The following ITGA2B variants were observed in gnomAD, a reference collection of about 807,000 sequenced individuals.
The protein encoded by ITGA2B is integrin subunit alpha 2b.
ITGA2B carries 91 observed loss-of-function variants against 142.0 expected under a neutral mutation model. The ratio of observed to expected loss-of-function variants is 0.64; its 90% CI spans 0.54 to 0.76. The LOEUF is 0.76. ITGA2B is among the 30% of genes least tolerant of loss of function. ITGA2B has a pLI of 0.00. For synonymous variants in ITGA2B, 536 were observed against 567.2 expected (o/e 0.94, Z 0.78); for missense variants, 1,231 against 1,350.8 (o/e 0.91, Z 1.39).
At chr17:44,374,544 T>C (rs2048522377) in intron 28 of ITGA2B, 74 bp from the exon 29 acceptor site, 7 of 1,528,816 alleles carry the variant, frequency 4.6e-6, no homozygotes, top group Non-Finnish European at 5.4e-6. Context: ...CTCAGGCTGG[T>C]GACCTCCAGC....
Position 44,383,486 on chromosome 17 carries a change from C to A in ITGA2B, c.1210+7G>T. The A allele has an allele frequency of 6.2e-7, 1 of 1,605,434 alleles. No individual in the cohort carries two copies. The highest frequency in any genetic ancestry group is 2.2e-5 in the East Asian group (1 of 44,758). On this transcript the variant is annotated splice_region_variant and intron_variant, in intron 12 of 29. Transcript: ENST00000262407. The stretch of plus-strand genomic sequence containing the variant: ...CTGCAGCAAGTAGGGCTCCTCTCTT[C>A]CCTCACCATTGTAGCCATCCCGGTC...
In ITGA2B at chr17:44,375,998, T is replaced by C; in HGVS notation, c.2449-13A>G. 1 of 1,613,818 alleles carries C rather than the reference T, an allele frequency of 6.2e-7. No homozygotes were observed. Among genetic ancestry groups the C allele is most frequent in the South Asian group, 1.1e-5 (1 of 91,068 alleles). On this transcript the variant is annotated splice_polypyrimidine_tract_variant and intron_variant, in intron 24 of 29. Transcript: ENST00000262407. ...CATTGTTGTGGAGCTGAAGGGGTGG[T>C]GGTGGCAGGGTGTGGGGAGCTTAGC... is the stretch of plus-strand genomic sequence containing the variant.
rs1402967368 is a variant in ITGA2B, at chr17:44,385,209, C to T, written c.625G>A (p.Ala209Thr). Residue 209 changes from alanine to threonine, a missense_variant and splice_region_variant, in exon 6 of 30, where the codon GCC (alanine) becomes ACC (threonine). Ala to Thr is a moderately conservative substitution (Grantham distance 58). Coordinates refer to ENST00000262407, the MANE Select transcript of ITGA2B (RefSeq NM_000419.5). ...GGAGCCCCAAGCACCAGCTCTCCGG[C>T]CTGGAAGGGAAGTCCTGAGGGTGAG... ...EAGFSSVVTQ[A>T]GELVLGAPGG... is the part of the protein sequence containing the mutation. The T allele has an allele frequency of 1.9e-6, 3 of 1,614,014 alleles. No homozygotes were observed. The South Asian group carries it at 3.3e-5, about 18-fold the overall frequency.
At chr17:44,385,500 C>A (rs953551820) in intron 4 of ITGA2B, 51 bp downstream of exon 4, 2 of 1,444,348 alleles carry the variant, frequency 1.4e-6, no homozygotes, top group East Asian at 2.6e-5. Context: ...CCGATGGGGG[C>A]GGGGCCAAGC....
intron 21 of ITGA2B, 150 bp downstream of exon 21, chr17:44,377,547 AG>A (rs2048555921): frequency 1.3e-5 from 9 of 680,044 alleles, no homozygotes; most frequent in Non-Finnish European, 2.1e-5. Context: ...GGGCTCAGAG[AG>A]GGAAAGTCAC....
intron 1 of ITGA2B, among the ~76,000 whole-genome samples, chr17:44,388,505 C>G (rs1319123274): frequency 6.7e-6 from 1 of 149,210 alleles, no homozygotes; most frequent in Non-Finnish European, 1.5e-5. Context: ...TACAAGCATG[C>G]GGCACCACGC....
At chr17:44,384,682 C>G in intron 7 of ITGA2B, 97 bp from the exon 8 acceptor site, 4 of 1,442,424 alleles carry the variant, frequency 2.8e-6, no homozygotes, top group Non-Finnish European at 2.9e-6. Flanking sequence ...CAGCCCCAGC[C>G]CTGCATTGTG....
At chr17:44,386,933 G>A (rs914680026) in intron 1 of ITGA2B, among the ~76,000 whole-genome samples, 4 of 152,284 alleles carry the variant, frequency 2.6e-5, no homozygotes, top group East Asian at 1.9e-4. Flanking sequence ...CTGGGACTGC[G>A]GGTGTGCAAC....
At chr17:44,373,954 G>A in intron 29 of ITGA2B, 2 of 235,576 alleles carry the variant, frequency 8.5e-6, no homozygotes, top group Non-Finnish European at 1.7e-5. Flanking sequence ...TGCCCAAGCT[G>A]GAGTGCAGTG....
intron 20 of ITGA2B, 113 bp from the exon 21 acceptor site, chr17:44,377,903 T>C (rs1442186927): frequency 1.2e-5 from 7 of 598,546 alleles, no homozygotes; most frequent in Admixed American, 4.4e-5. Context: ...GGGGGGTTTC[T>C]TGGGGTGGGG....
At chr17:44,375,270 C>G in intron 26 of ITGA2B, 159 bp from the exon 27 acceptor site, 1 of 701,856 alleles carries the variant, frequency 1.4e-6, no homozygotes, top group South Asian at 1.6e-5. Flanking sequence ...CGGATGCTGT[C>G]TTTCCACGGG....
intron 29 of ITGA2B, among the ~76,000 whole-genome samples, chr17:44,372,835 G>A (rs556962742): frequency 6.6e-6 from 1 of 152,072 alleles, no homozygotes; most frequent in Admixed American, 6.5e-5. Context: ...TGGCCGGGCT[G>A]GTCTCAAACT....
Position 44,385,051 on chromosome 17 carries a change from C to T in ITGA2B, c.696G>A (p.Ala232=), listed in dbSNP as rs766473820. Residue 232 remains alanine, a synonymous_variant, in exon 7 of 30, where the codon GCG becomes GCA. Transcript: ENST00000262407. The stretch of plus-strand genomic sequence containing the variant: ...CTGGGCGGTAACTCGAGAAAATATC[C>T]GCAACTGGAGCCTGGGCCAGGAGAC... The part of the protein sequence containing the change: ...FLGLLAQAPV[A]DIFSSYRPGI... 1 of 1,614,040 alleles carries T rather than the reference C, an allele frequency of 6.2e-7. No individual in the cohort carries two copies. Among genetic ancestry groups the T allele is most frequent in the Non-Finnish European group, 8.5e-7 (1 of 1,180,016 alleles).
intron 18 of ITGA2B, among the ~76,000 whole-genome samples, chr17:44,378,985 G>A (rs957689484): frequency 3.8e-4 from 58 of 152,172 alleles, no homozygotes; most frequent in Admixed American, 3.1e-3. Context: ...TCGCTCTGTC[G>A]TCCAGGCTGG....
At chr17:44,378,300 A>C in intron 20 of ITGA2B, 62 bp downstream of exon 20, 1 of 1,559,664 alleles carries the variant, frequency 6.4e-7, no homozygotes, top group Non-Finnish European at 8.7e-7. Flanking sequence ...GAGGGAGATG[A>C]GAGAGCCAAG....
chr17:44,380,791 A>C (rs763435051), intron 13 of ITGA2B, 88 bp downstream of exon 13: 1 of 1,576,712 alleles, frequency 6.3e-7, no homozygotes. Context: ...CAGGCCAGGC[A>C]TGAGCCCCTG....
chr17:44,376,660 T>A (rs923991202), intron 22 of ITGA2B, among the ~76,000 whole-genome samples: 2 of 151,572 alleles, frequency 1.3e-5, no homozygotes, highest in Admixed American at 1.3e-4. Context: ...AAGGCTGGAG[T>A]GCAGTGGCCC....
chr17:44,378,045 A>G (rs1197050420), intron 20 of ITGA2B, among the ~76,000 whole-genome samples: 1 of 152,124 alleles, frequency 6.6e-6, no homozygotes, highest in African/African-American at 2.4e-5. Context: ...TATTAACAAC[A>G]TAAAAAATAA....
chr17:44,383,754 G>C, intron 11 of ITGA2B, 50 bp from the exon 12 acceptor site: 1 of 1,551,714 alleles, frequency 6.4e-7, no homozygotes, highest in East Asian at 2.4e-5. Context: ...GGTATATTGG[G>C]GCTAGGGCCA....
Sources: gnomAD v4.1 joint callset for allele counts (sites outside exome capture counted in the v4.1 genomes callset) on GRCh38, gnomAD v4.1.1 for gene constraint, MANE v1.5 for transcripts, NCBI Gene and HGNC (gene_info 2026-07-23, HGNC 2026-07-21) for gene names.